Variants in MARF1 observed in about 807,000 individuals in gnomAD.
The protein encoded by MARF1 is limkain-b1.
Under a neutral mutation model 168.2 loss-of-function variants are expected in MARF1, and 24 were observed. The observed-to-expected ratio is 0.14, with a 90% confidence interval of 0.10 to 0.20. The LOEUF is 0.20. Ranked by LOEUF, MARF1 falls within the 10% of genes least tolerant of loss-of-function variation. MARF1 has a pLI of 1.00. For missense variants in MARF1, 1,744 were observed against 2,143.6 expected, an observed-to-expected ratio of 0.81 and a Z score of 3.68; for synonymous variants, 868 against 822.4, an observed-to-expected ratio of 1.06 and a Z score of -0.95.
intron 21 of MARF1, 30 bp from the exon 22 acceptor site, chr16:15,604,428 G>A (rs1392781964): frequency 1.3e-6 from 2 of 1,502,004 alleles, no homozygotes; most frequent in Non-Finnish European, 1.9e-6. Flanking sequence ...ACACTTTTCA[G>A]AGCTCAAGAG....
At chr16:15,599,604 G>T (rs2032191251) in intron 25 of MARF1, among the ~76,000 whole-genome samples, 1 of 152,198 alleles carries the variant, frequency 6.6e-6, no homozygotes, top group South Asian at 2.1e-4. Flanking sequence ...GTGCTATCTC[G>T]CCGCATGTTA....
Position 15,639,264 on chromosome 16 carries a change from C to T in MARF1, c.-31G>A. 5 of 1,594,166 alleles carry T rather than the reference C, an allele frequency of 3.1e-6. No individual in the cohort carries two copies. Among genetic ancestry groups the T allele is most frequent in the Admixed American group, 3.6e-5 (2 of 56,024 alleles). On this transcript the variant is annotated 5_prime_UTR_variant, in exon 2 of 27. It removes an upstream start codon present in the reference 5' UTR. Transcript: ENST00000396368. ...CATGCAAAGTGATTCAACATCCTTT[C>T]ATCTTTCTTTTCTTTCATTCTTCCA...
intron 17 of MARF1, 137 bp from the exon 18 acceptor site, chr16:15,611,871 C>T (rs1567546970): frequency 3.1e-6 from 2 of 641,976 alleles, no homozygotes; most frequent in East Asian, 2.8e-5. Context: ...AAACACATGT[C>T]GATCAACAAA....
chr16:15,631,778 GT>G (rs1313778518), intron 5 of MARF1, among the ~76,000 whole-genome samples: 2 of 151,958 alleles, frequency 1.3e-5, no homozygotes, highest in African/African-American at 2.4e-5. Flanking sequence ...CCCAGTGTGT[GT>G]TTTTCCCCTC....
Position 15,625,657 on chromosome 16 carries a change from T to A in MARF1, c.1668A>T (p.Ile556=). ...GAGCGCGCTCTGCACTATCTTGGTTTATGAAGCGGAGAATTGCACTGCAGC... is the reference window on the plus strand; with the variant it reads ...GAGCGCGCTCTGCACTATCTTGGTTAATGAAGCGGAGAATTGCACTGCAGC... ...ITGCSAILRF[I]NQDSAERAQK... The change falls in exon 8 of 27, where the codon ATA becomes ATT. Residue 556 remains isoleucine (I), a synonymous_variant. Coordinates refer to ENST00000396368, the MANE Select transcript of MARF1 (RefSeq NM_014647.4). 6.2e-7 allele frequency: 1 copy of A among 1,614,248 alleles called. No individual in the cohort carries two copies.
At chr16:15,619,889 C>T (rs145244713) in intron 13 of MARF1, among the ~76,000 whole-genome samples, 37 of 152,254 alleles carry the variant, frequency 2.4e-4, no homozygotes, top group Non-Finnish European at 4.1e-4. Context: ...CTTGGCCAGG[C>T]GCAGTGGCTC....
In MARF1 at chr16:15,624,907, C is replaced by T. The variant is rs1435135727; in HGVS notation, c.2132G>A (p.Arg711Gln). 5 of 1,614,126 alleles carry T rather than the reference C, an allele frequency of 3.1e-6. No homozygotes were observed. The highest frequency in any genetic ancestry group is 4.2e-6 in the Non-Finnish European group (5 of 1,180,010). Residue 711 changes from arginine to glutamine, a missense_variant, in exon 10 of 27, where the codon CGA becomes CAA. Transcript: ENST00000396368. Reference protein sequence around the residue: ...TSQKKENLSARSVTSSPVEKK... With the variant: ...TSQKKENLSAQSVTSSPVEKK... Reference sequence around the variant, plus strand: ...CTCTACAGGAGAACTGGTAACACTTCGGGCACTGAGGTTCTCCTTTCTAAC... The same window carrying T: ...CTCTACAGGAGAACTGGTAACACTTTGGGCACTGAGGTTCTCCTTTCTAAC...
chr16:15,624,817 G>T lies in MARF1; in HGVS notation c.2222C>A (p.Ala741Glu). ...GAGCAGAGGACTGACTTGCCTGGATGCAACTAACTTGCTAAAAGCAGACGG... is the reference window on the plus strand; with the variant it reads ...GAGCAGAGGACTGACTTGCCTGGATTCAACTAACTTGCTAAAAGCAGACGG... ...SYPSAFSKLV[A>E]SRQVSPLLAS... Residue 741 changes from alanine to glutamate, a missense_variant, in exon 10 of 27, where the codon GCA becomes GAA. Ala to Glu is a moderately radical substitution (Grantham distance 107). Around this residue, in one of 7 missense-constraint regions of MARF1, gnomAD observed 270 missense variants for 260.6 expected, o/e 1.04. Coordinates refer to ENST00000396368, the MANE Select transcript of MARF1 (RefSeq NM_014647.4). The T allele has an allele frequency of 6.2e-7, 1 of 1,614,190 alleles. No homozygotes were observed. The highest frequency in any genetic ancestry group is 8.5e-7 in the Non-Finnish European group (1 of 1,180,030).
At chr16:15,599,154 T>TTTAA in intron 25 of MARF1, 130 bp from the exon 26 acceptor site, 1 of 297,698 alleles carries the variant, frequency 3.4e-6, no homozygotes, top group Non-Finnish European at 5.8e-6. Flanking sequence ...TTTAAGGTAT[T>TTTAA]AAAAAAAAAA....
chr16:15,622,705 G>A (rs914332351), intron 11 of MARF1, among the ~76,000 whole-genome samples: 8 of 152,180 alleles, frequency 5.3e-5, no homozygotes, highest in Middle Eastern at 3.2e-3. Context: ...TTCAATTTCT[G>A]CCTAAGACAA....
intron 15 of MARF1, 190 bp downstream of exon 15, chr16:15,616,862 C>T: frequency 1.6e-6 from 1 of 629,710 alleles, no homozygotes; most frequent in Non-Finnish European, 2.8e-6. Flanking sequence ...GACCACTGTC[C>T]TATATACAGT....
chr16:15,608,964 T>C (rs1252291390), intron 20 of MARF1, among the ~76,000 whole-genome samples: 3 of 152,134 alleles, frequency 2.0e-5, no homozygotes, highest in Non-Finnish European at 2.9e-5. Flanking sequence ...AATCAGCAGG[T>C]GTGGTGGCTC....
chr16:15,634,351 A>G (rs2035449009), intron 4 of MARF1, among the ~76,000 whole-genome samples: 1 of 152,232 alleles, frequency 6.6e-6, no homozygotes, highest in Non-Finnish European at 1.5e-5. Flanking sequence ...CGCATTAACT[A>G]CTTTTTAGGG....
At chr16:15,617,834 A>G (rs920971819) in intron 13 of MARF1, among the ~76,000 whole-genome samples, 2 of 152,012 alleles carry the variant, frequency 1.3e-5, no homozygotes, top group Admixed American at 6.6e-5. Context: ...ACCTCTCTCG[A>G]TGCAGCTCCC....
In MARF1 at chr16:15,631,433, G is replaced by C; in HGVS notation, c.1299C>G (p.Leu433=). 6.2e-7 allele frequency: 1 copy of C among 1,613,430 alleles called. No individual in the cohort carries two copies. Among genetic ancestry groups the C allele is most frequent in the Non-Finnish European group, 8.5e-7 (1 of 1,179,502 alleles). The change falls in exon 6 of 27, where the codon CTC becomes CTG. Residue 433 remains leucine, a synonymous_variant. Coordinates refer to ENST00000396368, the MANE Select transcript of MARF1 (RefSeq NM_014647.4). ...NAADDKLRQS[L]RRFANTHTAP... ...CAGTGTGTGTATTTGCAAATCTGCG[G>C]AGACTCTGCCGCAGTTTATCATCAG...
intron 7 of MARF1, among the ~76,000 whole-genome samples, chr16:15,627,711 A>G (rs2034969037): frequency 6.6e-6 from 1 of 152,244 alleles, no homozygotes; most frequent in African/African-American, 2.4e-5. Flanking sequence ...TCCAGAAACC[A>G]TAAGAGAAAT....
At chr16:15,631,557 C>T in intron 5 of MARF1, 59 bp from the exon 6 acceptor site, 1 of 1,142,048 alleles carries the variant, frequency 8.8e-7, no homozygotes. Context: ...AATTGCTACA[C>T]ATTCTGCCCA....
Position 15,609,730 on chromosome 16 carries a change from T to C in MARF1, c.3752-5A>G. The C allele has an allele frequency of 6.2e-7, 1 of 1,611,158 alleles. No homozygotes were observed. The highest frequency in any genetic ancestry group is 1.1e-5 in the South Asian group (1 of 90,718). On this transcript the variant is annotated splice_region_variant and splice_polypyrimidine_tract_variant and intron_variant, in intron 19 of 26. Transcript: ENST00000396368. ...CTATTTCATCCTGAGTGCGTTCTTT[T>C]AAAAAAACCAAAAAACATAAAATCA...
chr16:15,618,343 G>A (rs571605797), intron 13 of MARF1, among the ~76,000 whole-genome samples: 8 of 152,146 alleles, frequency 5.3e-5, no homozygotes, highest in South Asian at 2.1e-4. Context: ...CTCCCGGAGA[G>A]ACACACTCTC....
Sources: gnomAD v4.1 joint callset for allele counts (sites outside exome capture counted in the v4.1 genomes callset) on GRCh38, gnomAD v4.1.1 for gene constraint, gnomAD v4.1.1 regional missense constraint, MANE v1.5 for transcripts, NCBI Gene and HGNC (gene_info 2026-07-23, HGNC 2026-07-21) for gene names.